The following NYAP2 variants were observed in gnomAD, a reference collection of about 807,000 sequenced individuals.
NYAP2 encodes the protein neuronal tyrosine-phosphorylated phosphoinositide-3-kinase adapter 2.
A neutral mutation model predicts 50.4 loss-of-function variants in NYAP2; 23 were observed. That is an observed-to-expected ratio of 0.46 (90% confidence interval 0.33 to 0.65). The LOEUF is 0.65. NYAP2 is among the 30% of genes least tolerant of loss of function. The probability of loss-of-function intolerance (pLI) is 0.02; values close to 1 mark genes in which losing one functional copy is unlikely to be tolerated. For missense variants in NYAP2, 885 were observed against 861.0 expected, an observed-to-expected ratio of 1.03 and a Z score of -0.35; for synonymous variants, 394 against 365.2, an observed-to-expected ratio of 1.08 and a Z score of -0.90.
intron 4 of NYAP2, among the ~76,000 whole-genome samples, chr2:225,569,259 T>A (rs1184233692): frequency 1.3e-5 from 2 of 152,216 alleles, no homozygotes; most frequent in African/African-American, 4.8e-5. Context: ...TCAGGTGTGT[T>A]GACAGACTTC....
At chr2:225,589,686 C>G (rs922971475) in intron 5 of NYAP2, among the ~76,000 whole-genome samples, 18 of 151,608 alleles carry the variant, frequency 1.2e-4, no homozygotes, top group African/African-American at 3.9e-4. Context: ...CAGAGCAAGA[C>G]CCTGTCTTAA....
At chr2:225,648,419 A>C (rs1693673253) in intron 6 of NYAP2, among the ~76,000 whole-genome samples, 1 of 152,218 alleles carries the variant, frequency 6.6e-6, no homozygotes. Flanking sequence ...TAAATATGGA[A>C]TAATTGAACA....
chr2:225,475,680 G>C (rs6719245), intron 3 of NYAP2, among the ~76,000 whole-genome samples: 1 of 152,160 alleles, frequency 6.6e-6, no homozygotes, highest in African/African-American at 2.4e-5. Flanking sequence ...CAGATATTTT[G>C]CAATTGAGTA....
At chr2:225,556,475 T>TG (rs1027629495) in intron 4 of NYAP2, among the ~76,000 whole-genome samples, 82 of 152,268 alleles carry the variant, frequency 5.4e-4, no homozygotes, top group African/African-American at 1.9e-3. Context: ...CTCCCCCAGG[T>TG]GATAATTTAG....
intron 2 of NYAP2, among the ~76,000 whole-genome samples, chr2:225,407,770 T>C (rs1163421802): frequency 2.0e-5 from 3 of 151,972 alleles, no homozygotes; most frequent in Non-Finnish European, 4.4e-5. Flanking sequence ...ACTTTGCTTT[T>C]GGTTTTTTAA....
intron 5 of NYAP2, among the ~76,000 whole-genome samples, chr2:225,625,210 C>T: frequency 6.6e-6 from 1 of 152,036 alleles, no homozygotes; most frequent in Admixed American, 6.6e-5. Context: ...CATTAACATA[C>T]TTGCTATCAC....
rs149351662 is a variant in NYAP2 at position 225,598,323 on chromosome 2, G to A, written c.1618+15288G>A. Among the ~76,000 whole-genome samples the A allele has an allele frequency of 6.1e-3, 930 of 152,034 alleles. 12 individuals carry two copies. The highest frequency in any genetic ancestry group is 0.021 in the African/African-American group (881 of 41,368). The stretch of plus-strand genomic sequence containing the variant: ...AAATGTAATTTTTAAAAATGTCCTG[G>A]TTACAAACAATTTATCTTTTAAAAT... On this transcript the variant is annotated intron_variant, in intron 5 of 6. Coordinates refer to ENST00000636099, the Ensembl canonical transcript of NYAP2.
the NYAP2 span, among the ~76,000 whole-genome samples, chr2:225,687,633 T>C: frequency 1.3e-5 from 2 of 152,198 alleles, no homozygotes; most frequent in Non-Finnish European, 2.9e-5. Context: ...GATTTAATCA[T>C]AAATATATAA....
At chr2:225,592,489 A>G (rs1197306281) in intron 5 of NYAP2, among the ~76,000 whole-genome samples, 2 of 152,116 alleles carry the variant, frequency 1.3e-5, no homozygotes, top group East Asian at 3.8e-4. Flanking sequence ...AGAATCAGAC[A>G]CTCATCCTTA....
intron 4 of NYAP2, among the ~76,000 whole-genome samples, chr2:225,546,961 A>T (rs934225926): frequency 7.2e-5 from 11 of 152,116 alleles, no homozygotes; most frequent in African/African-American, 2.7e-4. Flanking sequence ...CTTCAGGCCC[A>T]GAGTGTGTCT....
At chr2:225,527,910 A>G (rs1574659744) in intron 4 of NYAP2, among the ~76,000 whole-genome samples, 1 of 152,138 alleles carries the variant, frequency 6.6e-6, no homozygotes, top group Non-Finnish European at 1.5e-5. Flanking sequence ...GCCTCCCAAA[A>G]TGTTGGGATT....
chr2:225,460,932 G>T (rs1363142264), intron 3 of NYAP2, among the ~76,000 whole-genome samples: 1 of 144,854 alleles, frequency 6.9e-6, no homozygotes, highest in African/African-American at 2.7e-5. Flanking sequence ...GGCGGAGCTT[G>T]CAGTGAGCCG....
intron 5 of NYAP2, among the ~76,000 whole-genome samples, chr2:225,610,419 T>G (rs1054269068): frequency 2.0e-5 from 3 of 152,142 alleles, no homozygotes; most frequent in African/African-American, 7.2e-5. Context: ...ATATTCACCC[T>G]TCATTACCTT....
At chr2:225,691,376 G>A in the NYAP2 span, among the ~76,000 whole-genome samples, 1 of 151,936 alleles carries the variant, frequency 6.6e-6, no homozygotes, top group Non-Finnish European at 1.5e-5. Flanking sequence ...ATTTCCATGT[G>A]TCATGAAATA....
At chr2:225,631,270 C>T (rs1380116709) in intron 6 of NYAP2, among the ~76,000 whole-genome samples, 7 of 152,182 alleles carry the variant, frequency 4.6e-5, no homozygotes, top group African/African-American at 4.8e-5. Context: ...TTATACCATA[C>T]TTTCACTTTC....
intron 5 of NYAP2, 138 bp from the exon 6 acceptor site, chr2:225,626,779 T>C (rs1442141581): frequency 1.1e-5 from 7 of 664,260 alleles, no homozygotes; most frequent in Non-Finnish European, 1.8e-5. Flanking sequence ...TTCTGTTATA[T>C]TTAAATGTTG....
chr2:225,593,605 G>T (rs1692549400), intron 5 of NYAP2, among the ~76,000 whole-genome samples: 1 of 152,042 alleles, frequency 6.6e-6, no homozygotes, highest in African/African-American at 2.4e-5. Context: ...TTATTCCAAT[G>T]CATTGTGAAG....
intron 3 of NYAP2, among the ~76,000 whole-genome samples, chr2:225,409,440 A>G (rs947614502): frequency 6.6e-6 from 1 of 152,094 alleles, no homozygotes; most frequent in South Asian, 2.1e-4. Flanking sequence ...AAGATTGATG[A>G]AAATCCCTAC....
At chr2:225,683,970 T>A in the NYAP2 span, among the ~76,000 whole-genome samples, 1 of 152,234 alleles carries the variant, frequency 6.6e-6, no homozygotes, top group African/African-American at 2.4e-5. Flanking sequence ...AGTCCAATTA[T>A]GAGAGAAGTC....
Sources: allele counts gnomAD v4.1 joint callset (sites outside exome capture counted in the v4.1 genomes callset), GRCh38; gene constraint gnomAD v4.1.1; transcripts MANE v1.5; gene names NCBI Gene and HGNC (gene_info 2026-07-23, HGNC 2026-07-21).